Variants in C1GALT1 observed in about 807,000 individuals in gnomAD.
C1GALT1 encodes core 1 synthase, glycoprotein-N-acetylgalactosamine 3-beta-galactosyltransferase 1.
In C1GALT1, 11 loss-of-function variants were observed where a neutral mutation model predicts 31.0. The observed-to-expected ratio is 0.36, with a 90% CI of 0.22 to 0.59. The LOEUF is 0.59. C1GALT1 is among the 20% of genes least tolerant of loss of function. The probability of loss-of-function intolerance (pLI) is 0.79; values close to 1 mark genes in which losing one functional copy is unlikely to be tolerated. For synonymous variants in C1GALT1, 175 were observed against 143.6 expected, an observed-to-expected ratio of 1.22 and a Z score of -1.56; for missense variants, 424 against 425.2, an observed-to-expected ratio of 1.00 and a Z score of 0.03.
intron 2 of C1GALT1, among the ~76,000 whole-genome samples, chr7:7,174,255 T>C (rs1205914362): frequency 1.3e-5 from 2 of 152,178 alleles, no homozygotes; most frequent in East Asian, 3.9e-4. Flanking sequence ...AGCATAGGAA[T>C]TCTGAAGGGT....
intron 2 of C1GALT1, among the ~76,000 whole-genome samples, chr7:7,173,862 A>G (rs1036237370): frequency 3.9e-5 from 6 of 152,196 alleles, no homozygotes; most frequent in Non-Finnish European, 8.8e-5. Flanking sequence ...TGCCGAGATC[A>G]TGCCACTGCA....
intron 2 of C1GALT1, among the ~76,000 whole-genome samples, chr7:7,163,624 G>C (rs1156336848): frequency 6.6e-6 from 1 of 151,558 alleles, no homozygotes; most frequent in African/African-American, 2.4e-5. Context: ...AAAGTCTCAG[G>C]ATACAAAATC....
intron 2 of C1GALT1, among the ~76,000 whole-genome samples, chr7:7,236,524 ATTTT>A (rs763890063): frequency 6.6e-6 from 1 of 151,654 alleles, no homozygotes; most frequent in East Asian, 1.9e-4. Flanking sequence ...GAGAATTTTT[ATTTT>A]TTATTTTTTT....
intron 1 of C1GALT1, among the ~76,000 whole-genome samples, chr7:7,198,095 G>A (rs62449964): frequency 0.15 from 22,628 of 152,194 alleles, 2,045 homozygotes; most frequent in Middle Eastern, 0.28. Flanking sequence ...GTGAGGGAGG[G>A]CATCCCTGTC....
Position 7,238,128 on chromosome 7 carries a change from G to T in C1GALT1, c.221-127G>T. Reference sequence around the variant, plus strand: ...CATTAGGATGAGTTTGCTTTCCTTTGGCTAAATCACTAATAGAGGGATAAA... The same window carrying T: ...CATTAGGATGAGTTTGCTTTCCTTTTGCTAAATCACTAATAGAGGGATAAA... On this transcript the variant is annotated intron_variant, in intron 2 of 3. Coordinates refer to ENST00000436587, the MANE Select transcript of C1GALT1 (RefSeq NM_020156.5). This position sits in a 1 kb window ranked among gnomAD's most constrained non-coding sequence, Gnocchi z 5.2. The T allele has an allele frequency of 1.1e-6, 1 of 914,780 alleles. No individual in the cohort carries two copies. 56.7% of individuals were successfully genotyped at this position (914,780 alleles called of 1,614,324 possible).
chr7:7,172,608 G>A (rs1780465894), intron 2 of C1GALT1, among the ~76,000 whole-genome samples: 1 of 151,946 alleles, frequency 6.6e-6, no homozygotes, highest in African/African-American at 2.4e-5. Context: ...TGACGCACAG[G>A]TCCCTTCATC....
chr7:7,185,177 A>G (rs1780758155), intron 1 of C1GALT1, among the ~76,000 whole-genome samples: 1 of 152,236 alleles, frequency 6.6e-6, no homozygotes, highest in Non-Finnish European at 1.5e-5. Context: ...AAGTCTAAAT[A>G]AATTATCTAG....
intron 3 of C1GALT1, among the ~76,000 whole-genome samples, chr7:7,241,764 G>T (rs1468631628): frequency 6.6e-6 from 1 of 151,842 alleles, no homozygotes; most frequent in African/African-American, 2.4e-5. Context: ...CTTCACTTGA[G>T]ATTCTTGAGT....
At chr7:7,213,991 C>A (rs970608135) in intron 1 of C1GALT1, among the ~76,000 whole-genome samples, 1 of 152,204 alleles carries the variant, frequency 6.6e-6, no homozygotes, top group Non-Finnish European at 1.5e-5. Context: ...ATGGGAGGCT[C>A]ATCTCCCAGT....
At chr7:7,166,131 C>A (rs892382990) in intron 2 of C1GALT1, among the ~76,000 whole-genome samples, 1 of 152,072 alleles carries the variant, frequency 6.6e-6, no homozygotes, top group Non-Finnish European at 1.5e-5. Context: ...ATATTACTGC[C>A]ATTTTATCAT....
At chr7:7,168,985 A>T (rs1485254531) in intron 2 of C1GALT1, among the ~76,000 whole-genome samples, 1 of 152,190 alleles carries the variant, frequency 6.6e-6, no homozygotes, top group Non-Finnish European at 1.5e-5. Context: ...AAGCTTTTCC[A>T]GCACCCAAAA....
intron 1 of C1GALT1, among the ~76,000 whole-genome samples, chr7:7,229,779 T>G (rs1331718223): frequency 6.6e-6 from 1 of 152,160 alleles, no homozygotes; most frequent in Non-Finnish European, 1.5e-5. Flanking sequence ...GAGGCAGAAT[T>G]TGAGACCCCC....
chr7:7,229,330 G>A (rs1782953875), intron 1 of C1GALT1, among the ~76,000 whole-genome samples: 1 of 152,150 alleles, frequency 6.6e-6, no homozygotes, highest in African/African-American at 2.4e-5. Flanking sequence ...GAGAATCAGA[G>A]GATGTAGAGA....
chr7:7,182,874 C>A (rs1250633869), intron 1 of C1GALT1, 54 bp downstream of exon 1: 4 of 982,208 alleles, frequency 4.1e-6, no homozygotes, highest in Admixed American at 6.1e-5. Flanking sequence ...CGTCTCCCCT[C>A]GCCCTCCCCC....
chr7:7,171,882 C>T (rs1035182938), intron 2 of C1GALT1, among the ~76,000 whole-genome samples: 1 of 152,024 alleles, frequency 6.6e-6, no homozygotes, highest in Non-Finnish European at 1.5e-5. Context: ...CTTTATCTTC[C>T]CCCTTTATAT....
At chr7:7,208,540 A>G (rs2128238058) in intron 1 of C1GALT1, among the ~76,000 whole-genome samples, 1 of 151,498 alleles carries the variant, frequency 6.6e-6, no homozygotes, top group East Asian at 1.9e-4. Context: ...TTGGCTCCTA[A>G]AAAAAAAGGA....
intron 1 of C1GALT1, among the ~76,000 whole-genome samples, chr7:7,199,826 G>A (rs970370928): frequency 1.3e-5 from 2 of 152,068 alleles, no homozygotes; most frequent in African/African-American, 4.8e-5. Context: ...ATCTTTGTTG[G>A]TTTAAAGTCT....
At chr7:7,227,550 C>A (rs1782826178) in intron 1 of C1GALT1, among the ~76,000 whole-genome samples, 1 of 151,920 alleles carries the variant, frequency 6.6e-6, no homozygotes, top group African/African-American at 2.4e-5. Flanking sequence ...GAAACCCCGT[C>A]TCTACTAAAA....
At chr7:7,183,717 A>T in intron 1 of C1GALT1, 1 of 507,850 alleles carries the variant, frequency 2.0e-6, no homozygotes, top group Non-Finnish European at 2.5e-6. Context: ...TATCAGCAAC[A>T]AAAAACCCAC....
Sources: allele counts gnomAD v4.1 joint callset (sites outside exome capture counted in the v4.1 genomes callset), GRCh38; gene constraint gnomAD v4.1.1; non-coding constraint Gnocchi (gnomAD v3.1); transcripts MANE v1.5; gene names NCBI Gene and HGNC (gene_info 2026-07-23, HGNC 2026-07-21).